CTR9: variants seen among roughly 807,000 people sequenced by gnomAD.
CTR9 encodes RNA polymerase-associated protein CTR9 homolog.
In CTR9, 41 loss-of-function variants were observed where a neutral mutation model predicts 152.1. The ratio of observed to expected loss-of-function variants is 0.27; its 90% CI spans 0.21 to 0.35. The LOEUF (loss-of-function observed/expected upper bound fraction) is 0.35. CTR9 is among the 10% of genes least tolerant of loss of function. The pLI is 1.00. For missense variants in CTR9, 917 were observed against 1,424.4 expected, an observed-to-expected ratio of 0.64 and a Z score of 5.73; for synonymous variants, 476 against 496.2, an observed-to-expected ratio of 0.96 and a Z score of 0.54.
chr11:10,762,049 A>T lies in CTR9; in HGVS notation c.844A>T (p.Lys282Ter). ...CCATTTGGCAAATCACTTTTTCTTC[A>T]AAAAGGTAGAAGTCATTTATTTTTA... is the stretch of plus-strand genomic sequence containing the variant. ...LNHLANHFFFKKDYSKVQHLA... is the reference protein window; with the variant it reads ...LNHLANHFFF The change falls in exon 7 of 25, where the codon AAA (lysine) becomes TAA (stop). Residue 282 changes from lysine (K) to a stop codon, truncating the protein, a stop_gained. Coordinates refer to ENST00000361367, the MANE Select transcript of CTR9 (RefSeq NM_014633.5). LOFTEE classifies it high-confidence loss of function. 1 of 1,569,228 alleles carries T rather than the reference A, an allele frequency of 6.4e-7. No homozygotes were observed. The highest frequency in any genetic ancestry group is 8.7e-7 in the Non-Finnish European group (1 of 1,147,998).
chr11:10,773,198 G>T lies in CTR9; in HGVS notation c.2652G>T (p.Lys884Asn). The part of the protein sequence containing the change: ...LLEQRAQYVE[K>N]TKNILMFTGE... Reference sequence around the variant, plus strand: ...AACAGCGGGCCCAGTATGTGGAGAAGACCAAAAATATTCTTATGTTTACTG... The same window carrying T: ...AACAGCGGGCCCAGTATGTGGAGAATACCAAAAATATTCTTATGTTTACTG... The change falls in exon 21 of 25, where the codon AAG (lysine) becomes AAT (asparagine). Residue 884 changes from lysine to asparagine, a missense_variant. By Grantham distance (94) the Lys-to-Asn change is moderately conservative (BLOSUM62 0). Transcript: ENST00000361367. 5 of 1,613,178 alleles carry T rather than the reference G, an allele frequency of 3.1e-6. No homozygotes were observed. The highest frequency in any genetic ancestry group is 4.2e-6 in the Non-Finnish European group (5 of 1,179,810).
In CTR9 at chr11:10,755,994, A is replaced by G. The variant is rs545563022; in HGVS notation, c.502+199A>G. Among the ~76,000 whole-genome samples the G allele has an allele frequency of 2.0e-5, 3 of 152,344 alleles. No homozygotes were observed. In the East Asian group the frequency reaches 5.8e-4, roughly 29 times the overall value. ...ATATACCAGTTAAGAATAATTTATT[A>G]TTTAGGCCAGGCATGGTATAATCTC... is the stretch of plus-strand genomic sequence containing the variant. On this transcript the variant is annotated intron_variant, in intron 4 of 24. Transcript: ENST00000361367.
chr11:10,776,788 C>G (rs1863241941), intron 24 of CTR9, among the ~76,000 whole-genome samples: 1 of 151,886 alleles, frequency 6.6e-6, no homozygotes, highest in Non-Finnish European at 1.5e-5. Flanking sequence ...GCCTGGCTAA[C>G]ATGGCAAAAC....
In CTR9 at chr11:10,764,545, T is replaced by A; in HGVS notation, c.1414-3T>A. On this transcript the variant is annotated splice_region_variant and splice_polypyrimidine_tract_variant and intron_variant, in intron 11 of 24. Transcript: ENST00000361367. Reference sequence around the variant, plus strand: ...TTAACAGTGTGATTTTTCTTTCTCATAGAAATATTTTTTGGCGTCATTGGA... The same window carrying A: ...TTAACAGTGTGATTTTTCTTTCTCAAAGAAATATTTTTTGGCGTCATTGGA... 1 of 1,603,900 alleles carries A rather than the reference T, an allele frequency of 6.2e-7. No homozygotes were observed. Among genetic ancestry groups the A allele is most frequent in the Non-Finnish European group, 8.5e-7 (1 of 1,172,794 alleles).
At chr11:10,759,738 GT>G (rs1862946609) in intron 5 of CTR9, among the ~76,000 whole-genome samples, 1 of 152,178 alleles carries the variant, frequency 6.6e-6, no homozygotes, top group South Asian at 2.1e-4. Context: ...ACTTGTTTGT[GT>G]TTTGGCATGG....
At position 10,767,700 on chromosome 11, in the gene CTR9, G is replaced by A. The variant is rs16908282; in HGVS notation, c.1687-106G>A. 1,659 of 959,142 alleles carry A rather than the reference G, an allele frequency of 1.7e-3. 28 individuals carry two copies. In the African/African-American group the frequency reaches 0.025, roughly 15 times the overall value. The allele number at this position is 959,142 out of a possible 1,614,324, so 59.4% of individuals were successfully genotyped here. A position where few individuals can be genotyped will look rare whatever the true frequency, so the allele number is the denominator to read the frequency against. Reference sequence around the variant, plus strand: ...AAAGAAAAGAAAGAAAACCACTGTTGTAATATAGTTTGTAAACCTCTTCAG... The same window carrying A: ...AAAGAAAAGAAAGAAAACCACTGTTATAATATAGTTTGTAAACCTCTTCAG... On this transcript the variant is annotated intron_variant, in intron 13 of 24. Transcript: ENST00000361367. This position sits in a 1 kb window ranked among gnomAD's most constrained non-coding sequence, Gnocchi z 4.0.
At chr11:10,773,295 C>T (rs1440138638) in intron 21 of CTR9, 22 bp downstream of exon 21, 13 of 1,603,648 alleles carry the variant, frequency 8.1e-6, no homozygotes, top group Non-Finnish European at 1.1e-5. Context: ...TTCCTGCTAG[C>T]ACAAGTGACC....
intron 7 of CTR9, 79 bp from the exon 8 acceptor site, chr11:10,763,351 CG>C: frequency 1.1e-6 from 1 of 918,760 alleles, no homozygotes. Context: ...TACAGGTAAA[CG>C]AAGTGTTAGT....
rs1489565817 is a variant in CTR9, at chr11:10,763,840, T to C, written c.1155T>C (p.Tyr385=). 2 of 1,613,070 alleles carry C rather than the reference T, an allele frequency of 1.2e-6. No homozygotes were observed. Among genetic ancestry groups the C allele is most frequent in the Non-Finnish European group, 1.7e-6 (2 of 1,179,788 alleles). The change falls in exon 9 of 25, where the codon TAT becomes TAC. Residue 385 remains tyrosine, a synonymous_variant. Coordinates refer to ENST00000361367, the MANE Select transcript of CTR9 (RefSeq NM_014633.5). ...YETMKILGSL[Y]AASEDQEKRD... Reference sequence around the variant, plus strand: ...CTATGAAAATTCTCGGCTCTCTCTATGCTGCCTCAGAAGATCAAGAAAAAC... The same window carrying C: ...CTATGAAAATTCTCGGCTCTCTCTACGCTGCCTCAGAAGATCAAGAAAAAC...
chr11:10,775,406 T>C, intron 23 of CTR9, 103 bp downstream of exon 23: 1 of 1,401,642 alleles, frequency 7.1e-7, no homozygotes, highest in Non-Finnish European at 9.9e-7. Flanking sequence ...CACAAATGCT[T>C]GTTTTCAAAG....
At chr11:10,760,424 C>A in intron 6 of CTR9, 103 bp downstream of exon 6, 1 of 1,119,948 alleles carries the variant, frequency 8.9e-7, no homozygotes, top group Non-Finnish European at 1.3e-6. Flanking sequence ...ATTAAGATTA[C>A]AGATTACAGA....
intron 13 of CTR9, among the ~76,000 whole-genome samples, chr11:10,766,731 C>G (rs1564969212): frequency 6.6e-6 from 1 of 152,142 alleles, no homozygotes; most frequent in Non-Finnish European, 1.5e-5. Flanking sequence ...TCCCTTCCCC[C>G]ATCCCATCCT....
intron 2 of CTR9, among the ~76,000 whole-genome samples, chr11:10,754,487 A>G (rs1590016991): frequency 6.6e-6 from 1 of 152,222 alleles, no homozygotes; most frequent in African/African-American, 2.4e-5. Context: ...TATCATCTGT[A>G]TATACCTGTG....
intron 12 of CTR9, among the ~76,000 whole-genome samples, chr11:10,765,506 G>A (rs982559071): frequency 3.3e-4 from 50 of 152,210 alleles, no homozygotes; most frequent in African/African-American, 1.1e-3. Flanking sequence ...CTGTCACCCA[G>A]GCTGGAGTGC....
At chr11:10,765,202 G>A (rs1863041117) in intron 12 of CTR9, among the ~76,000 whole-genome samples, 1 of 152,088 alleles carries the variant, frequency 6.6e-6, no homozygotes. Context: ...ATTTAGGCCT[G>A]GCATGGTGGC....
In CTR9 at chr11:10,770,335, G is replaced by A. The variant is rs778515256; in HGVS notation, c.2226+9G>A. Reference sequence around the variant, plus strand: ...AACAGACTTTGCTGAAGGTAAAAAGGAGAGATGTTATTCCCATCCATTTCT... The same window carrying A: ...AACAGACTTTGCTGAAGGTAAAAAGAAGAGATGTTATTCCCATCCATTTCT... On this transcript the variant is annotated intron_variant, in intron 17 of 24. Coordinates refer to ENST00000361367, the MANE Select transcript of CTR9 (RefSeq NM_014633.5). 1 of 1,609,118 alleles carries A rather than the reference G, an allele frequency of 6.2e-7. No individual in the cohort carries two copies. Among genetic ancestry groups the A allele is most frequent in the South Asian group, 1.1e-5 (1 of 90,388 alleles).
intron 5 of CTR9, among the ~76,000 whole-genome samples, chr11:10,759,234 T>C (rs1459646407): frequency 6.6e-6 from 1 of 152,182 alleles, no homozygotes; most frequent in African/African-American, 2.4e-5. Context: ...GAGAAGATAA[T>C]AGCCAGAGGT....
chr11:10,774,656 T>C (rs1370140281), intron 22 of CTR9, among the ~76,000 whole-genome samples: 1 of 152,200 alleles, frequency 6.6e-6, no homozygotes. Context: ...CCTACCCATT[T>C]CTCATGCGGA....
At chr11:10,764,241 T>A (rs1423817242) in intron 10 of CTR9, 40 bp downstream of exon 10, 1 of 1,613,660 alleles carries the variant, frequency 6.2e-7, no homozygotes, top group East Asian at 2.2e-5. Flanking sequence ...TATGATGTGT[T>A]TTTTGTAAGC....
Sources: allele counts gnomAD v4.1 joint callset (sites outside exome capture counted in the v4.1 genomes callset), GRCh38; gene constraint gnomAD v4.1.1; non-coding constraint Gnocchi (gnomAD v3.1); transcripts MANE v1.5; gene names NCBI Gene and HGNC (gene_info 2026-07-23, HGNC 2026-07-21).